The following MAN1A1 variants were observed in gnomAD, a reference collection of about 807,000 sequenced individuals.
MAN1A1 encodes mannosidase alpha class 1A member 1.
In MAN1A1, 29 loss-of-function variants were observed where a neutral mutation model predicts 70.8. That is an observed-to-expected ratio of 0.41 (90% CI 0.31 to 0.56). MAN1A1 has a LOEUF of 0.56. Ranked by LOEUF, MAN1A1 falls within the 20% of genes least tolerant of loss-of-function variation. The pLI is 0.29. For missense variants in MAN1A1, 747 were observed against 841.3 expected, an observed-to-expected ratio of 0.89 and a Z score of 1.39; for synonymous variants, 349 against 330.1, an observed-to-expected ratio of 1.06 and a Z score of -0.62.
chr6:119,228,812 G>T (rs978174221), intron 6 of MAN1A1, among the ~76,000 whole-genome samples: 1 of 151,986 alleles, frequency 6.6e-6, no homozygotes, highest in Non-Finnish European at 1.5e-5. Context: ...CAAAATATAG[G>T]CATAAAAAGT....
Position 119,232,707 on chromosome 6 carries a change from GTGTGTGTGTGTA to G in MAN1A1, c.992+15541_992+15552del, listed in dbSNP as rs1462228949. Among the ~76,000 whole-genome samples the G allele has an allele frequency of 1.3e-4, 19 of 149,252 alleles. No homozygotes were observed. The East Asian group carries it at 2.5e-3, about 20-fold the overall frequency. ...TGTGTGTGTGTGTGTGTGTGTGTGT[GTGTGTGTGTGTA>G]TATTTGGAAATCCTTGTAGGCTATA... On this transcript the variant is annotated intron_variant, in intron 6 of 12. Coordinates refer to ENST00000368468, the MANE Select transcript of MAN1A1 (RefSeq NM_005907.4).
At chr6:119,251,734 C>T (rs1775323233) in intron 5 of MAN1A1, among the ~76,000 whole-genome samples, 1 of 152,242 alleles carries the variant, frequency 6.6e-6, no homozygotes. Flanking sequence ...GCCTATTATA[C>T]AGATCTAACC....
intron 4 of MAN1A1, among the ~76,000 whole-genome samples, chr6:119,296,788 G>C (rs1257818581): frequency 6.6e-6 from 1 of 152,102 alleles, no homozygotes; most frequent in African/African-American, 2.4e-5. Context: ...ACAACTAAAG[G>C]CATGATCCAG....
intron 5 of MAN1A1, among the ~76,000 whole-genome samples, chr6:119,286,376 C>A (rs1425152139): frequency 6.6e-6 from 1 of 152,174 alleles, no homozygotes; most frequent in Non-Finnish European, 1.5e-5. Flanking sequence ...AGTTAACTGA[C>A]ATTCTTAATC....
At chr6:119,267,542 G>C (rs921577123) in intron 5 of MAN1A1, among the ~76,000 whole-genome samples, 1 of 152,092 alleles carries the variant, frequency 6.6e-6, no homozygotes, top group African/African-American at 2.4e-5. Flanking sequence ...GACACACACA[G>C]ATATGAACTC....
At chr6:119,279,301 T>C (rs1216879435) in intron 5 of MAN1A1, among the ~76,000 whole-genome samples, 2 of 152,188 alleles carry the variant, frequency 1.3e-5, no homozygotes, top group African/African-American at 4.8e-5. Context: ...CTTATATTCA[T>C]CTTGGACTGC....
chr6:119,198,452 C>G (rs921852142), intron 8 of MAN1A1, among the ~76,000 whole-genome samples: 1 of 152,184 alleles, frequency 6.6e-6, no homozygotes, highest in Non-Finnish European at 1.5e-5. Flanking sequence ...GGCCCTCAAA[C>G]TGTTGAGTCT....
chr6:119,350,440 T>C, upstream of MAN1A1: 1 of 631,448 alleles, frequency 1.6e-6, no homozygotes, highest in Non-Finnish European at 2.0e-6. Flanking sequence ...ACTTTTTTCG[T>C]ATGCGCCCTT....
At chr6:119,291,485 A>AT (rs1471141607) in intron 4 of MAN1A1, among the ~76,000 whole-genome samples, 2 of 151,900 alleles carry the variant, frequency 1.3e-5, no homozygotes, top group Non-Finnish European at 2.9e-5. Flanking sequence ...CAGATACAAT[A>AT]TTTGATATTC....
At chr6:119,290,659 TTTA>T in intron 5 of MAN1A1, 21 bp downstream of exon 5, 1 of 1,554,008 alleles carries the variant, frequency 6.4e-7, no homozygotes, top group Non-Finnish European at 8.8e-7. Flanking sequence ...ATAATTCACA[TTTA>T]TATACCACTT....
chr6:119,255,547 A>C (rs1775434964), intron 5 of MAN1A1, among the ~76,000 whole-genome samples: 1 of 152,250 alleles, frequency 6.6e-6, no homozygotes, highest in Non-Finnish European at 1.5e-5. Flanking sequence ...TATCAGAATA[A>C]AGGTATGTAA....
At chr6:119,187,009 A>G (rs1275256316) in intron 11 of MAN1A1, among the ~76,000 whole-genome samples, 1 of 152,198 alleles carries the variant, frequency 6.6e-6, no homozygotes, top group African/African-American at 2.4e-5. Context: ...TAACACATAA[A>G]CCAACCTTAT....
At chr6:119,192,270 C>T (rs1773462320) in intron 9 of MAN1A1, among the ~76,000 whole-genome samples, 1 of 152,110 alleles carries the variant, frequency 6.6e-6, no homozygotes, top group Admixed American at 6.5e-5. Flanking sequence ...ATATGGAGAA[C>T]TCCCCAGGTT....
chr6:119,227,358 C>T (rs116453939), intron 6 of MAN1A1, among the ~76,000 whole-genome samples: 2,251 of 152,200 alleles, frequency 0.015, 35 homozygotes, highest in African/African-American at 0.04. Flanking sequence ...TCTGCACAGA[C>T]GTATACATTT....
chr6:119,282,062 G>A (rs1334586936), intron 5 of MAN1A1, among the ~76,000 whole-genome samples: 2 of 152,146 alleles, frequency 1.3e-5, no homozygotes, highest in South Asian at 2.1e-4. Flanking sequence ...GCAAGACTCC[G>A]TCTCAGAAAA....
intron 2 of MAN1A1, among the ~76,000 whole-genome samples, chr6:119,332,758 C>A (rs1268419830): frequency 7.0e-6 from 1 of 143,486 alleles, no homozygotes; most frequent in Non-Finnish European, 1.5e-5. Context: ...GCACTCCAGC[C>A]TGGGCGACAA....
rs759313732 is a variant in MAN1A1 at position 119,319,390 on chromosome 6, A to AATC, written c.604-12401_604-12399dup. 2.9e-3 allele frequency among the ~76,000 whole-genome samples: 420 copies of AATC among 143,708 alleles called. 1 individual carries two copies. Among genetic ancestry groups the AATC allele is most frequent in the East Asian group, 0.014 (71 of 4,922 alleles). The allele number at this position is 143,708 out of a possible 152,430, so 94.3% of individuals were successfully genotyped here. A position where few individuals can be genotyped will look rare whatever the true frequency, so the allele number is the denominator to read the frequency against. ...TAATAATAATAATAATAATAATAAT[A>AATC]ATCATCATCATCATCATTCATTCTA... is the stretch of plus-strand genomic sequence containing the variant. On this transcript the variant is annotated intron_variant, in intron 2 of 12. Coordinates refer to ENST00000368468, the MANE Select transcript of MAN1A1 (RefSeq NM_005907.4).
At chr6:119,226,901 C>T (rs557165911) in intron 6 of MAN1A1, among the ~76,000 whole-genome samples, 2 of 152,170 alleles carry the variant, frequency 1.3e-5, no homozygotes, top group East Asian at 3.9e-4. Flanking sequence ...GAACTCCTGG[C>T]CTCAAGCAAT....
chr6:119,325,828 C>T (rs1237075367), intron 2 of MAN1A1, among the ~76,000 whole-genome samples: 1 of 152,164 alleles, frequency 6.6e-6, no homozygotes, highest in Non-Finnish European at 1.5e-5. Flanking sequence ...ATATTCCCTA[C>T]ATGTGGATAC....
Sources: allele counts gnomAD v4.1 joint callset (sites outside exome capture counted in the v4.1 genomes callset), GRCh38; gene constraint gnomAD v4.1.1; transcripts MANE v1.5; gene names NCBI Gene and HGNC (gene_info 2026-07-23, HGNC 2026-07-21).